Variants in MAP2K1 observed in about 807,000 individuals in gnomAD.
MAP2K1 encodes dual specificity mitogen-activated protein kinase kinase 1.
Under a neutral mutation model 46.3 loss-of-function variants are expected in MAP2K1, and 16 were observed. The ratio of observed to expected loss-of-function variants is 0.35; its 90% CI spans 0.23 to 0.52. The LOEUF is 0.52. Among genes scored for constraint, MAP2K1 ranks in the 20% least tolerant of loss-of-function variants. The probability of loss-of-function intolerance (pLI) is 0.94; values close to 1 mark genes in which losing one functional copy is unlikely to be tolerated. For missense variants in MAP2K1, 263 were observed against 497.1 expected (o/e 0.53, Z 4.48); for synonymous variants, 183 against 185.6 (o/e 0.99, Z 0.11).
chr15:66,429,695 A>C, intron 1 of MAP2K1, among the ~76,000 whole-genome samples: 1 of 70,980 alleles, frequency 1.4e-5, no homozygotes, highest in Non-Finnish European at 2.7e-5. Flanking sequence ...CCCAACACAG[A>C]TGGGCTAGCC....
chr15:66,454,125 A>G (rs891784226), intron 5 of MAP2K1, among the ~76,000 whole-genome samples: 4 of 152,194 alleles, frequency 2.6e-5, no homozygotes, highest in African/African-American at 9.6e-5. Context: ...TCCAGTAGCA[A>G]GAGGGGGTAA....
chr15:66,490,506 A>T lies in MAP2K1; in HGVS notation c.1073A>T (p.His358Leu). The T allele has an allele frequency of 1.2e-6, 2 of 1,611,350 alleles. No individual in the cohort carries two copies. Among genetic ancestry groups the T allele is most frequent in the East Asian group, 2.2e-5 (1 of 44,872 alleles). The part of the protein sequence containing the change: ...ERADLKQLMV[H>L]AFIKRSDAEE... ...CTCTCGTTTCCTTACATGCAGGTTC[A>T]TGCTTTTATCAAGAGATCTGATGCT... Residue 358 changes from histidine (H) to leucine (L), a missense_variant, in exon 11 of 11, where the codon CAT becomes CTT. This residue lies in a region of MAP2K1 where 118 missense variants were observed against 193.0 expected (regional missense o/e 0.61). Coordinates refer to ENST00000307102, the MANE Select transcript of MAP2K1 (RefSeq NM_002755.4).
At position 66,482,154 on chromosome 15, in the gene MAP2K1, T is replaced by A. The variant is rs75586043; in HGVS notation, c.693+275T>A. ...GCTTTCTTTCTGAAGGATTGTGAGC[T>A]CCAGCTCCCCTCTGGGCATCTCTAC... On this transcript the variant is annotated intron_variant, in intron 6 of 10. Coordinates refer to ENST00000307102, the MANE Select transcript of MAP2K1 (RefSeq NM_002755.4). Among the ~76,000 whole-genome samples, 2,442 of 152,216 alleles carry A rather than the reference T, an allele frequency of 0.016. 68 individuals are homozygous for A. The highest frequency in any genetic ancestry group is 0.056 in the African/African-American group (2,346 of 41,530).
At position 66,394,454 on chromosome 15, in the gene MAP2K1, A is replaced by C. The variant is rs559335486; in HGVS notation, c.80+7027A>C. Among the ~76,000 whole-genome samples the C allele has an allele frequency of 3.7e-3, 486 of 132,984 alleles. 3 individuals carry two copies. Among genetic ancestry groups the C allele is most frequent in the African/African-American group, 0.012 (463 of 38,874 alleles). The allele number at this position is 132,984 out of a possible 152,430, so 87.2% of individuals were successfully genotyped here. Reference sequence around the variant, plus strand: ...TGAGATGTGTACCATGATGATAACCAGGAACTTTTTTTTTTTTTTTTTTTT... The same window carrying C: ...TGAGATGTGTACCATGATGATAACCCGGAACTTTTTTTTTTTTTTTTTTTT... On this transcript the variant is annotated intron_variant, in intron 1 of 10. Transcript: ENST00000307102.
At chr15:66,389,609 C>G (rs1397060143) in intron 1 of MAP2K1, among the ~76,000 whole-genome samples, 3 of 122,150 alleles carry the variant, frequency 2.5e-5, no homozygotes, top group Admixed American at 1.0e-4. Flanking sequence ...CAGTCTCGCT[C>G]TGTTGCCCAG....
intron 1 of MAP2K1, among the ~76,000 whole-genome samples, chr15:66,393,624 A>G (rs2093361592): frequency 6.6e-6 from 1 of 152,100 alleles, no homozygotes; most frequent in African/African-American, 2.4e-5. Context: ...GGAGGTGATA[A>G]TTGTTTACAA....
intron 1 of MAP2K1, among the ~76,000 whole-genome samples, chr15:66,402,510 G>C (rs995503329): frequency 6.6e-6 from 1 of 152,012 alleles, no homozygotes; most frequent in African/African-American, 2.4e-5. Flanking sequence ...AATTTGGTGG[G>C]GTTAAGGAAA....
At chr15:66,396,621 G>A (rs916491151) in intron 1 of MAP2K1, among the ~76,000 whole-genome samples, 1 of 152,042 alleles carries the variant, frequency 6.6e-6, no homozygotes, top group Admixed American at 6.6e-5. Context: ...TCCAATGTGT[G>A]TAGTCTTTTC....
Position 66,484,423 on chromosome 15 carries a change from C to T in MAP2K1, c.694-567C>T, listed in dbSNP as rs148878783. Among the ~76,000 whole-genome samples, 5 of 152,290 alleles carry T rather than the reference C, an allele frequency of 3.3e-5. No individual in the cohort carries two copies. The East Asian group carries it at 5.8e-4, about 18-fold the overall frequency. On this transcript the variant is annotated intron_variant, in intron 6 of 10. Coordinates refer to ENST00000307102, the MANE Select transcript of MAP2K1 (RefSeq NM_002755.4). ...TCAGCCTCCCAAAGTGCTGGGATTACAGGTGTGAGCCACTGCGTCCCGGCC... is the reference window on the plus strand; with the variant it reads ...TCAGCCTCCCAAAGTGCTGGGATTATAGGTGTGAGCCACTGCGTCCCGGCC...
At chr15:66,480,972 G>T (rs1892900042) in intron 5 of MAP2K1, among the ~76,000 whole-genome samples, 1 of 152,166 alleles carries the variant, frequency 6.6e-6, no homozygotes, top group African/African-American at 2.4e-5. Context: ...GGAAATTTAG[G>T]TCTCTGCAAA....
At chr15:66,489,946 G>A (rs910495494) in intron 10 of MAP2K1, 183 bp downstream of exon 10, 37 of 683,790 alleles carry the variant, frequency 5.4e-5, no homozygotes, top group Non-Finnish European at 9.3e-5. Flanking sequence ...AGGGAAAGCT[G>A]GGGTGACCCC....
chr15:66,488,340 C>T (rs571363930), intron 8 of MAP2K1, among the ~76,000 whole-genome samples: 2 of 152,318 alleles, frequency 1.3e-5, no homozygotes, highest in South Asian at 4.1e-4. Flanking sequence ...ACTGACATGG[C>T]CCTCAAAGGA....
chr15:66,401,065 A>G (rs2093380588), intron 1 of MAP2K1, among the ~76,000 whole-genome samples: 1 of 152,222 alleles, frequency 6.6e-6, no homozygotes, highest in African/African-American at 2.4e-5. Context: ...CCTGATTTTT[A>G]CACATGGACA....
At chr15:66,419,722 G>A (rs2093433063) in intron 1 of MAP2K1, among the ~76,000 whole-genome samples, 1 of 152,072 alleles carries the variant, frequency 6.6e-6, no homozygotes, top group African/African-American at 2.4e-5. Context: ...GTGTATGTGT[G>A]TGTTTTTCAA....
chr15:66,460,349 G>C (rs961074607), intron 5 of MAP2K1, among the ~76,000 whole-genome samples: 4 of 152,224 alleles, frequency 2.6e-5, no homozygotes, highest in African/African-American at 9.6e-5. Flanking sequence ...CTTTAGGGAA[G>C]CATGGAGGAG....
intron 5 of MAP2K1, among the ~76,000 whole-genome samples, chr15:66,466,170 A>G (rs1892459844): frequency 6.6e-6 from 1 of 152,250 alleles, no homozygotes; most frequent in African/African-American, 2.4e-5. Context: ...GATTCCTTAA[A>G]GGAAAGCACA....
intron 1 of MAP2K1, among the ~76,000 whole-genome samples, chr15:66,398,882 T>C (rs1333744449): frequency 6.6e-6 from 1 of 152,096 alleles, no homozygotes; most frequent in Non-Finnish European, 1.5e-5. Context: ...CAAGTGATTC[T>C]TGTGGCTCAG....
chr15:66,399,176 C>G (rs1404238142), intron 1 of MAP2K1, among the ~76,000 whole-genome samples: 1 of 152,108 alleles, frequency 6.6e-6, no homozygotes, highest in African/African-American at 2.4e-5. Context: ...GAAAAAAACT[C>G]AAACATACAC....
At chr15:66,426,747 G>A (rs1400429538) in intron 1 of MAP2K1, among the ~76,000 whole-genome samples, 1 of 152,232 alleles carries the variant, frequency 6.6e-6, no homozygotes, top group African/African-American at 2.4e-5. Context: ...AACTCTAATA[G>A]TCACTTACTC....
Sources: gnomAD v4.1 joint callset for allele counts (sites outside exome capture counted in the v4.1 genomes callset) on GRCh38, gnomAD v4.1.1 for gene constraint, gnomAD v4.1.1 regional missense constraint, MANE v1.5 for transcripts, NCBI Gene and HGNC (gene_info 2026-07-23, HGNC 2026-07-21) for gene names.